The following CYP19A1 variants were observed in gnomAD, a reference collection of about 807,000 sequenced individuals.
The protein encoded by CYP19A1 is cytochrome P450 family 19 subfamily A member 1, also known as aromatase.
Under a neutral mutation model 44.4 loss-of-function variants are expected in CYP19A1, and 32 were observed. The observed-to-expected ratio is 0.72, with a 90% confidence interval of 0.54 to 0.97. CYP19A1 has a LOEUF of 0.97. Ranked by LOEUF, CYP19A1 falls within the 50% of genes least tolerant of loss-of-function variation. The pLI is 0.00. For synonymous variants in CYP19A1, 212 were observed against 215.6 expected (o/e 0.98, Z 0.14); for missense variants, 598 against 637.8 (o/e 0.94, Z 0.67).
In CYP19A1 at chr15:51,215,152, G is replaced by T. The variant is rs2031440512; in HGVS notation, c.939C>A (p.Val313=). 2 of 1,613,982 alleles carry T rather than the reference G, an allele frequency of 1.2e-6. No homozygotes were observed. The highest frequency in any genetic ancestry group is 4.5e-5 in the East Asian group (2 of 44,874). ...MLIAAPDTMS[V]SLFFMLFLIA... ...TGAGAAATAGCATGAAGAACAAAGA[G>T]ACAGACATGGTGTCAGGAGCTGCGA... The change falls in exon 8 of 10, where the codon GTC becomes GTA. Residue 313 remains valine, a synonymous_variant. Transcript: ENST00000396402.
chr15:51,237,050 C>G, intron 2 of CYP19A1, 41 bp from the exon 3 acceptor site: 1 of 1,612,090 alleles, frequency 6.2e-7, no homozygotes, highest in Non-Finnish European at 8.5e-7. Flanking sequence ...CTTAGTTACA[C>G]CAAAAATTGC....
intron 1 of CYP19A1, chr15:51,278,790 A>T (rs1219448080): frequency 6.6e-6 from 1 of 152,140 alleles, no homozygotes; most frequent in Admixed American, 6.6e-5. Context: ...ACAATCGGTT[A>T]AGTAAGGTAA....
chr15:51,279,105 T>C (rs2035427445), intron 1 of CYP19A1: 1 of 152,230 alleles, frequency 6.6e-6, no homozygotes, highest in Non-Finnish European at 1.5e-5. Flanking sequence ...TCCTCCATTC[T>C]TCAAGGTCTC....
At chr15:51,331,252 A>G (rs2036696375) in intron 1 of CYP19A1, among the ~76,000 whole-genome samples, 1 of 152,232 alleles carries the variant, frequency 6.6e-6, no homozygotes, top group African/African-American at 2.4e-5. Flanking sequence ...CATCACAGGC[A>G]GCACTGAACA....
intron 1 of CYP19A1, among the ~76,000 whole-genome samples, chr15:51,253,280 T>G (rs1021853432): frequency 1.3e-5 from 2 of 152,204 alleles, no homozygotes; most frequent in African/African-American, 2.4e-5. Flanking sequence ...TGATTCAGTC[T>G]CCAGCAAGAG....
chr15:51,305,025 G>T (rs60115604), intron 1 of CYP19A1, among the ~76,000 whole-genome samples: 1 of 149,772 alleles, frequency 6.7e-6, no homozygotes, highest in Non-Finnish European at 1.5e-5. Context: ...TCAGCCTCCC[G>T]AGCAGCTGGC....
At chr15:51,219,870 A>AG (rs1264433124) in intron 5 of CYP19A1, among the ~76,000 whole-genome samples, 1 of 152,236 alleles carries the variant, frequency 6.6e-6, no homozygotes, top group Admixed American at 6.5e-5. Context: ...TCTGTAGAAC[A>AG]GGCACCCTGG....
At chr15:51,234,788 C>A (rs1346928096) in intron 3 of CYP19A1, among the ~76,000 whole-genome samples, 2 of 152,146 alleles carry the variant, frequency 1.3e-5, no homozygotes, top group Non-Finnish European at 2.9e-5. Flanking sequence ...TGCCTGAGTC[C>A]TACCCCCAGA....
intron 7 of CYP19A1, 81 bp from the exon 8 acceptor site, chr15:51,215,313 A>G: frequency 6.3e-7 from 1 of 1,582,666 alleles, no homozygotes; most frequent in Non-Finnish European, 8.7e-7. Context: ...CTCAAGGATC[A>G]ACAACCTCAA....
At chr15:51,309,139 T>C (rs933274847) in intron 1 of CYP19A1, among the ~76,000 whole-genome samples, 1 of 151,962 alleles carries the variant, frequency 6.6e-6, no homozygotes, top group African/African-American at 2.4e-5. Flanking sequence ...CCTTTTGAGG[T>C]GATTAGGTCA....
At chr15:51,315,021 C>G (rs1365889644) in intron 1 of CYP19A1, among the ~76,000 whole-genome samples, 2 of 152,074 alleles carry the variant, frequency 1.3e-5, no homozygotes, top group African/African-American at 4.8e-5. Context: ...GAATCCGATC[C>G]TGCTTGCTTT....
chr15:51,253,692 G>A (rs2034411778), intron 1 of CYP19A1, among the ~76,000 whole-genome samples: 1 of 152,026 alleles, frequency 6.6e-6, no homozygotes, highest in Non-Finnish European at 1.5e-5. Flanking sequence ...CTCCCTCCTG[G>A]GATATTTTCA....
Position 51,283,984 on chromosome 15 carries a change from G to A in CYP19A1, c.-38-41034C>T, listed in dbSNP as rs138002433. 5.3e-5 allele frequency among the ~76,000 whole-genome samples: 8 copies of A among 152,368 alleles called. No individual in the cohort carries two copies. In the East Asian group the frequency reaches 1.5e-3, roughly 29 times the overall value. On this transcript the variant is annotated intron_variant, in intron 1 of 9. Coordinates refer to ENST00000396402, the MANE Select transcript of CYP19A1 (RefSeq NM_000103.4). Reference sequence around the variant, plus strand: ...TAGAGGACGCTTACCCTCAGGAACAGTTGGTCTATTACTTGGAAGGTCTAG... The same window carrying A: ...TAGAGGACGCTTACCCTCAGGAACAATTGGTCTATTACTTGGAAGGTCTAG...
At chr15:51,278,068 T>A (rs2035387530) in intron 1 of CYP19A1, 1 of 151,626 alleles carries the variant, frequency 6.6e-6, no homozygotes, top group Non-Finnish European at 1.5e-5. Flanking sequence ...TTGCTAATGA[T>A]GCGCGGCTGT....
At chr15:51,319,487 C>T (rs887613765) in intron 1 of CYP19A1, among the ~76,000 whole-genome samples, 2 of 152,206 alleles carry the variant, frequency 1.3e-5, no homozygotes, top group African/African-American at 4.8e-5. Flanking sequence ...ATCAAAATAT[C>T]TGACCAGAGC....
At chr15:51,230,009 TA>T (rs2032904673) in intron 3 of CYP19A1, among the ~76,000 whole-genome samples, 2 of 152,210 alleles carry the variant, frequency 1.3e-5, no homozygotes, top group Admixed American at 1.3e-4. Flanking sequence ...TTGTGTCCTT[TA>T]GGGGGCACCA....
rs921413975 is a variant in CYP19A1 at position 51,212,488 on chromosome 15, C to A, written c.1095G>T (p.Arg365=). Residue 365 remains arginine, a synonymous_variant, in exon 9 of 10, where the codon CGG becomes CGT. Coordinates refer to ENST00000396402, the MANE Select transcript of CYP19A1 (RefSeq NM_000103.4). ...TGACCAAGTCCACGACAGGCTGGTA[C>A]CGCATGCTCTCATAAATGAAGTTTT... ...VMENFIYESM[R]YQPVVDLVMR... The A allele has an allele frequency of 6.3e-7, 1 of 1,595,220 alleles. No individual in the cohort carries two copies. Among genetic ancestry groups the A allele is most frequent in the South Asian group, 1.1e-5 (1 of 90,718 alleles).
At chr15:51,282,104 GAGAC>G (rs1379370043) in intron 1 of CYP19A1, among the ~76,000 whole-genome samples, 1 of 151,474 alleles carries the variant, frequency 6.6e-6, no homozygotes, top group African/African-American at 2.4e-5. Context: ...GAGAAGAACT[GAGAC>G]AGAGAGGCTG....
intron 5 of CYP19A1, 80 bp from the exon 6 acceptor site, chr15:51,218,735 A>T: frequency 1.3e-6 from 2 of 1,543,056 alleles, no homozygotes; most frequent in Non-Finnish European, 1.7e-6. Flanking sequence ...TCTGAGCAGA[A>T]AACATTCCCT....
Sources: gnomAD v4.1 joint callset for allele counts (sites outside exome capture counted in the v4.1 genomes callset) on GRCh38, gnomAD v4.1.1 for gene constraint, MANE v1.5 for transcripts, NCBI Gene and HGNC (gene_info 2026-07-23, HGNC 2026-07-21) for gene names.